The following SF3B2 variants were observed in gnomAD, a reference collection of about 807,000 sequenced individuals.
SF3B2 encodes splicing factor 3b subunit 2, also known as SAP 145.
A neutral mutation model predicts 116.3 loss-of-function variants in SF3B2; 22 were observed. The ratio of observed to expected loss-of-function variants is 0.19; its 90% CI spans 0.14 to 0.27. The LOEUF is 0.27. SF3B2 is among the 10% of genes least tolerant of loss of function. SF3B2 has a pLI of 1.00. For missense variants in SF3B2, 767 were observed against 1,151.4 expected (o/e 0.67, Z 4.83); for synonymous variants, 406 against 421.6 (o/e 0.96, Z 0.45).
chr11:66,053,486 C>G, intron 3 of SF3B2: 1 of 244,418 alleles, frequency 4.1e-6, no homozygotes, highest in Non-Finnish European at 8.3e-6. Context: ...CGAGACCAGC[C>G]TGGGCAACAT....
At chr11:66,062,988 A>AGCCC (rs1326798774) in intron 16 of SF3B2, 21 bp from the exon 17 acceptor site, 6 of 1,571,452 alleles carry the variant, frequency 3.8e-6, no homozygotes, top group Non-Finnish European at 2.6e-6. Flanking sequence ...GAGTGAACTG[A>AGCCC]TTGTGCTCAC....
At chr11:66,058,437 C>A in intron 9 of SF3B2, 32 bp downstream of exon 9, 1 of 1,533,802 alleles carries the variant, frequency 6.5e-7, no homozygotes. Flanking sequence ...GGAAGGAAAG[C>A]CAGGAGATGG....
chr11:66,063,000 G>A lies in SF3B2; in HGVS notation c.1978-9G>A, dbSNP rs1443744106. ...AAGGAGTGAACTGATTGTGCTCACT[G>A]TCTTGCAGAGCTGTTCCTTTGGGTA... On this transcript the variant is annotated splice_polypyrimidine_tract_variant and intron_variant, in intron 16 of 21. Transcript: ENST00000322535. The A allele has an allele frequency of 6.2e-7, 1 of 1,606,922 alleles. No homozygotes were observed.
Position 66,052,667 on chromosome 11 carries a change from C to T in SF3B2, c.134-6C>T, listed in dbSNP as rs1389828288. 1 of 1,595,866 alleles carries T rather than the reference C, an allele frequency of 6.3e-7. No individual in the cohort carries two copies. The highest frequency in any genetic ancestry group is 1.1e-5 in the South Asian group (1 of 88,534). ...TGCCCCATTGATCGTGTACTTTGCC[C>T]TGCAGGTAATCGCGAGGAGCTGGTG... On this transcript the variant is annotated splice_polypyrimidine_tract_variant and splice_region_variant and intron_variant, in intron 1 of 21. Coordinates refer to ENST00000322535, the MANE Select transcript of SF3B2 (RefSeq NM_006842.3).
Position 66,053,050 on chromosome 11 carries a change from G to A in SF3B2, c.204G>A (p.Pro68=). Reference sequence around the variant, plus strand: ...AGACTGGCATCGTGCTGAATCGGCCGGTTTTGAGAGGGGAAGATGGGGACA... The same window carrying A: ...AGACTGGCATCGTGCTGAATCGGCCAGTTTTGAGAGGGGAAGATGGGGACA... ...TRQTGIVLNR[P]VLRGEDGDKA... is the part of the protein sequence containing the mutation. The change falls in exon 3 of 22, where the codon CCG becomes CCA. Residue 68 remains proline, a synonymous_variant. Coordinates refer to ENST00000322535, the MANE Select transcript of SF3B2 (RefSeq NM_006842.3). The A allele has an allele frequency of 6.2e-7, 1 of 1,614,090 alleles. No individual in the cohort carries two copies. The highest frequency in any genetic ancestry group is 8.5e-7 in the Non-Finnish European group (1 of 1,180,016).
Position 66,052,664 on chromosome 11 carries a change from G to T in SF3B2, c.134-9G>T. 2 of 1,596,492 alleles carry T rather than the reference G, an allele frequency of 1.3e-6. No homozygotes were observed. Among genetic ancestry groups the T allele is most frequent in the South Asian group, 1.1e-5 (1 of 88,666 alleles). Reference sequence around the variant, plus strand: ...GCCTGCCCCATTGATCGTGTACTTTGCCCTGCAGGTAATCGCGAGGAGCTG... The same window carrying T: ...GCCTGCCCCATTGATCGTGTACTTTTCCCTGCAGGTAATCGCGAGGAGCTG... On this transcript the variant is annotated splice_polypyrimidine_tract_variant and intron_variant, in intron 1 of 21. Coordinates refer to ENST00000322535, the MANE Select transcript of SF3B2 (RefSeq NM_006842.3).
At chr11:66,062,084 C>G in intron 16 of SF3B2, 86 bp downstream of exon 16, 2 of 873,534 alleles carry the variant, frequency 2.3e-6, no homozygotes, top group Non-Finnish European at 3.6e-6. Flanking sequence ...CTAACTCCAC[C>G]ATGTGTCTCT....
chr11:66,068,863 T>G lies in SF3B2; in HGVS notation c.*118T>G. The G allele has an allele frequency of 1.3e-6, 1 of 797,220 alleles. No homozygotes were observed. Among genetic ancestry groups the G allele is most frequent in the Non-Finnish European group, 2.1e-6 (1 of 483,256 alleles). The allele number at this position is 797,220 out of a possible 1,614,324, so 49.4% of individuals were successfully genotyped here. A position where few individuals can be genotyped will look rare whatever the true frequency, so the allele number is the denominator to read the frequency against. On this transcript the variant is annotated 3_prime_UTR_variant, in exon 22 of 22. Transcript: ENST00000322535. ...ATTTCATGTTCTTATTTTAGACCTGTTTTGTAAATAAAGCTGTTTCCCAAG... is the reference window on the plus strand; with the variant it reads ...ATTTCATGTTCTTATTTTAGACCTGGTTTGTAAATAAAGCTGTTTCCCAAG...
intron 19 of SF3B2, chr11:66,065,378 A>G (rs531675383): frequency 6.6e-6 from 1 of 152,286 alleles, no homozygotes; most frequent in Non-Finnish European, 1.5e-5. Context: ...ATAATGTGTC[A>G]TTTTTATTTG....
chr11:66,062,727 G>A (rs554576349), intron 16 of SF3B2, among the ~76,000 whole-genome samples: 1 of 152,296 alleles, frequency 6.6e-6, no homozygotes, highest in Admixed American at 6.5e-5. Flanking sequence ...TTGAAGTCAT[G>A]TTTTCAATGT....
At chr11:66,065,633 C>T (rs1000004252) in intron 19 of SF3B2, 7 of 152,036 alleles carry the variant, frequency 4.6e-5, no homozygotes, top group Non-Finnish European at 1.0e-4. Flanking sequence ...AAATGAAGAG[C>T]TCACTGATGC....
At chr11:66,058,485 A>C in intron 9 of SF3B2, 80 bp downstream of exon 9, 1 of 1,051,110 alleles carries the variant, frequency 9.5e-7, no homozygotes, top group Non-Finnish European at 1.5e-6. Flanking sequence ...GTAAGTGTTC[A>C]GTAAGTAATA....
chr11:66,055,229 C>T lies in SF3B2; in HGVS notation c.412C>T (p.Pro138Ser). 1 of 1,613,932 alleles carries T rather than the reference C, an allele frequency of 6.2e-7. No homozygotes were observed. The highest frequency in any genetic ancestry group is 1.1e-5 in the South Asian group (1 of 91,076). The stretch of plus-strand genomic sequence containing the variant: ...CCCGCCTCCTCTCCGTGTGGGTGAG[C>T]CAGTGGCACTGTCAGAGGAGGAGCG... ...GPPPPLRVGE[P>S]VALSEEERLK... is the part of the protein sequence containing the mutation. The change falls in exon 4 of 22, where the codon CCA becomes TCA. Residue 138 changes from proline (P) to serine (S), a missense_variant. Transcript: ENST00000322535.
intron 19 of SF3B2, 170 bp from the exon 20 acceptor site, chr11:66,067,776 C>G (rs1392747839): frequency 1.6e-6 from 1 of 610,428 alleles, no homozygotes. Flanking sequence ...CTGTGCCACC[C>G]CCCCGCCCAA....
At position 66,052,401 on chromosome 11, in the gene SF3B2, C is replaced by T; in HGVS notation, c.17C>T (p.Pro6Leu). MATEH[P>L]EPPKAELQLP... The stretch of plus-strand genomic sequence containing the variant: ...GCGGCTAAGATGGCGACGGAGCATC[C>T]CGAGCCTCCCAAAGCAGAATTGCAG... The change falls in exon 1 of 22, where the codon CCC becomes CTC. Residue 6 changes from proline (P) to leucine (L), a missense_variant. This residue lies in a region of SF3B2 where 455 missense variants were observed against 537.5 expected (regional missense o/e 0.85). Transcript: ENST00000322535. 5 of 1,612,084 alleles carry T rather than the reference C, an allele frequency of 3.1e-6. No homozygotes were observed. Among genetic ancestry groups the T allele is most frequent in the South Asian group, 1.1e-5 (1 of 91,012 alleles).
intron 3 of SF3B2, among the ~76,000 whole-genome samples, chr11:66,054,688 A>T (rs557081578): frequency 6.6e-6 from 1 of 152,208 alleles, no homozygotes; most frequent in East Asian, 1.9e-4. Flanking sequence ...CTGTTTATGT[A>T]AGTCCTCTCA....
chr11:66,052,598 G>C (rs982325800), intron 1 of SF3B2, 75 bp from the exon 2 acceptor site: 178 of 1,591,048 alleles, frequency 1.1e-4, no homozygotes, highest in Non-Finnish European at 1.5e-4. Context: ...TCGGGTGCGA[G>C]GGGCGGAGGC....
rs540147038 is a variant in SF3B2, at chr11:66,058,179, C to T, written c.874+29C>T. 1.4e-4 allele frequency: 225 copies of T among 1,597,744 alleles called. 3 individuals carry two copies. In the South Asian group the frequency reaches 2.2e-3, roughly 16 times the overall value. On this transcript the variant is annotated intron_variant, in intron 8 of 21. Transcript: ENST00000322535. ...AGTGCCAGGCGTTCTGATGCTGTAG[C>T]CACAGAACCTGGAGAGGCTGAGCTG...
intron 19 of SF3B2, chr11:66,067,537 G>C (rs1453401438): frequency 2.2e-6 from 1 of 457,444 alleles, no homozygotes; most frequent in Admixed American, 2.3e-5. Context: ...TGCGTTGGAA[G>C]GCCTGGAAGT....
Sources: allele counts gnomAD v4.1 joint callset (sites outside exome capture counted in the v4.1 genomes callset), GRCh38; gene constraint gnomAD v4.1.1; regional missense constraint gnomAD v4.1.1; transcripts MANE v1.5; gene names NCBI Gene and HGNC (gene_info 2026-07-23, HGNC 2026-07-21).